The following TMEM45A variants were observed in gnomAD, a reference collection of about 807,000 sequenced individuals.
The protein encoded by TMEM45A is transmembrane protein 45A, also known as DNA polymerase-transactivated protein 4.
A neutral mutation model predicts 32.0 loss-of-function variants in TMEM45A; 25 were observed. The observed-to-expected ratio is 0.78, with a 90% confidence interval of 0.57 to 1.09. The LOEUF is 1.09. TMEM45A is among the 50% of genes least tolerant of loss of function. TMEM45A has a pLI of 0.00. For missense variants in TMEM45A, 302 were observed against 325.0 expected (o/e 0.93, Z 0.54); for synonymous variants, 122 against 114.8 (o/e 1.06, Z -0.40).
chr3:100,526,814 A>T (rs1705554215), intron 1 of TMEM45A, among the ~76,000 whole-genome samples: 1 of 152,204 alleles, frequency 6.6e-6, no homozygotes, highest in Non-Finnish European at 1.5e-5. Context: ...AGAGTCCCCT[A>T]AGTAATTAAG....
At chr3:100,533,168 C>T (rs1705678013) in intron 1 of TMEM45A, among the ~76,000 whole-genome samples, 1 of 151,946 alleles carries the variant, frequency 6.6e-6, no homozygotes, top group Non-Finnish European at 1.5e-5. Context: ...GTCAACCAAG[C>T]TTAGGCACAG....
chr3:100,530,078 T>C (rs1405949723), intron 1 of TMEM45A, among the ~76,000 whole-genome samples: 1 of 152,212 alleles, frequency 6.6e-6, no homozygotes, highest in East Asian at 1.9e-4. Context: ...AATAGAATAG[T>C]ATAACATACT....
intron 1 of TMEM45A, among the ~76,000 whole-genome samples, chr3:100,547,178 G>A (rs1576282982): frequency 6.6e-6 from 1 of 152,074 alleles, no homozygotes; most frequent in South Asian, 2.1e-4. Flanking sequence ...CTGGAGTGCA[G>A]TGGTACGATC....
chr3:100,504,661 A>C (rs550986952), intron 1 of TMEM45A, among the ~76,000 whole-genome samples: 11 of 152,330 alleles, frequency 7.2e-5, no homozygotes, highest in Non-Finnish European at 1.5e-4. Context: ...ATGCTAATGA[A>C]ACATAGGTAG....
intron 5 of TMEM45A, among the ~76,000 whole-genome samples, chr3:100,575,451 C>T (rs1332554885): frequency 7.1e-6 from 1 of 141,066 alleles, no homozygotes; most frequent in Non-Finnish European, 1.5e-5. Flanking sequence ...CAGCTCACTG[C>T]AACCTCCACC....
At chr3:100,566,806 A>C (rs192008756) in intron 4 of TMEM45A, among the ~76,000 whole-genome samples, 1 of 152,062 alleles carries the variant, frequency 6.6e-6, no homozygotes, top group East Asian at 1.9e-4. Flanking sequence ...GCTTTGGGGA[A>C]ATGTTTCTTG....
At chr3:100,566,663 T>G (rs4129206) in intron 4 of TMEM45A, among the ~76,000 whole-genome samples, 46,015 of 151,976 alleles carry the variant, frequency 0.3, 7,566 homozygotes, top group African/African-American at 0.4. Flanking sequence ...CACCAATATT[T>G]GTTATTTTTA....
chr3:100,517,631 T>G (rs544594866), intron 1 of TMEM45A, among the ~76,000 whole-genome samples: 2 of 152,352 alleles, frequency 1.3e-5, no homozygotes, highest in East Asian at 3.9e-4. Flanking sequence ...AAAGAAATAT[T>G]TGAGCATCTA....
chr3:100,512,014 C>T (rs1443520211), intron 1 of TMEM45A, among the ~76,000 whole-genome samples: 5 of 152,038 alleles, frequency 3.3e-5, no homozygotes, highest in Admixed American at 3.3e-4. Context: ...GACTCCCACA[C>T]ATTAATAATG....
At chr3:100,531,126 G>T (rs1011825456) in intron 1 of TMEM45A, among the ~76,000 whole-genome samples, 4 of 151,832 alleles carry the variant, frequency 2.6e-5, no homozygotes, top group Non-Finnish European at 5.9e-5. Context: ...TTCTAAATTC[G>T]ATCATTTCTT....
At chr3:100,569,523 A>G (rs1471826716) in intron 5 of TMEM45A, among the ~76,000 whole-genome samples, 1 of 152,210 alleles carries the variant, frequency 6.6e-6, no homozygotes, top group East Asian at 1.9e-4. Flanking sequence ...TTATAAGAAC[A>G]CATATTTTTA....
At chr3:100,536,437 C>T (rs780083679) in intron 1 of TMEM45A, among the ~76,000 whole-genome samples, 1 of 152,154 alleles carries the variant, frequency 6.6e-6, no homozygotes, top group Non-Finnish European at 1.5e-5. Context: ...TGTCTTCCTA[C>T]ACTAAAAGAT....
At chr3:100,494,091 A>G (rs567105610) in intron 1 of TMEM45A, among the ~76,000 whole-genome samples, 127 of 152,352 alleles carry the variant, frequency 8.3e-4, no homozygotes, top group Admixed American at 2.8e-3. Context: ...TTATATGTAC[A>G]TGCTTGCAGA....
At chr3:100,523,706 T>C (rs1705483341) in intron 1 of TMEM45A, among the ~76,000 whole-genome samples, 2 of 150,200 alleles carry the variant, frequency 1.3e-5, no homozygotes, top group Admixed American at 6.6e-5. Flanking sequence ...CTTCTCCTCC[T>C]CCTCCTTTCT....
At chr3:100,526,880 T>C (rs1406092397) in intron 1 of TMEM45A, among the ~76,000 whole-genome samples, 2 of 152,172 alleles carry the variant, frequency 1.3e-5, no homozygotes, top group African/African-American at 2.4e-5. Context: ...TAGTTCAAGG[T>C]TGGCTTTTAT....
At chr3:100,526,946 T>G (rs1257992563) in intron 1 of TMEM45A, among the ~76,000 whole-genome samples, 1 of 152,216 alleles carries the variant, frequency 6.6e-6, no homozygotes, top group African/African-American at 2.4e-5. Flanking sequence ...GTTTCTGAAT[T>G]TTTTGGATGA....
rs1553682684 is a variant in TMEM45A at position 100,539,462 on chromosome 3, T to TATATGCATATGCATATGC, written c.-3-15742_-3-15741insCATATGCATATGCATATG. ...GTATATGTATATGTATATGTATATGTATATGTATATGTATATGTATATGTA... is the reference window on the plus strand; with the variant it reads ...GTATATGTATATGTATATGTATATGTATATGCATATGCATATGCATATGTATATGTATATGTATATGTA... On this transcript the variant is annotated intron_variant, in intron 1 of 5. Coordinates refer to ENST00000323523, the MANE Select transcript of TMEM45A (RefSeq NM_018004.3). 9.2e-4 allele frequency among the ~76,000 whole-genome samples: 98 copies of TATATGCATATGCATATGC among 106,360 alleles called. 3 individuals carry two copies. The highest frequency in any genetic ancestry group is 9.5e-3 in the Middle Eastern group (2 of 210). 69.8% of individuals were successfully genotyped at this position (106,360 alleles called of 152,430 possible). A position where few individuals can be genotyped will look rare whatever the true frequency, so the allele number is the denominator to read the frequency against.
intron 1 of TMEM45A, among the ~76,000 whole-genome samples, chr3:100,495,129 G>C (rs191131516): frequency 6.6e-6 from 1 of 152,234 alleles, no homozygotes; most frequent in Non-Finnish European, 1.5e-5. Context: ...ACTGAGTGCT[G>C]ACCACTTGCT....
chr3:100,549,248 AAAAAAAAC>A (rs545267988), intron 1 of TMEM45A, among the ~76,000 whole-genome samples: 49 of 151,162 alleles, frequency 3.2e-4, no homozygotes, highest in Non-Finnish European at 4.6e-4. Flanking sequence ...TCCTGTCTCA[AAAAAAAAC>A]AAAAAAACAA....
Sources: gnomAD v4.1 joint callset for allele counts (sites outside exome capture counted in the v4.1 genomes callset) on GRCh38, gnomAD v4.1.1 for gene constraint, MANE v1.5 for transcripts, NCBI Gene and HGNC (gene_info 2026-07-23, HGNC 2026-07-21) for gene names.